The following NDUFA5 variants were observed in gnomAD, a reference collection of about 807,000 sequenced individuals.
NDUFA5 encodes the protein NADH:ubiquinone oxidoreductase subunit A5, also known as NADH dehydrogenase [ubiquinone] 1 alpha subcomplex subunit 5.
NDUFA5 carries 11 observed loss-of-function variants against 19.8 expected under a neutral mutation model. The observed-to-expected ratio is 0.56, with a 90% CI of 0.35 to 0.92. The LOEUF (loss-of-function observed/expected upper bound fraction) is 0.92, where lower values mean the gene tolerates loss of function less well. NDUFA5 is among the 40% of genes least tolerant of loss of function. The pLI, the probability that NDUFA5 is intolerant of heterozygous loss-of-function variation, is 0.01. For missense variants in NDUFA5, 109 were observed against 134.2 expected (o/e 0.81, Z 0.93); for synonymous variants, 47 against 46.8 (o/e 1.00, Z -0.01).
chr7:123,565,905 G>A, the NDUFA5 span, among the ~76,000 whole-genome samples: 3 of 152,146 alleles, frequency 2.0e-5, no homozygotes, highest in Admixed American at 6.5e-5. Flanking sequence ...TGTAGTCCCA[G>A]CTACTCAGGA....
intron 1 of NDUFA5, 131 bp from the exon 2 acceptor site, chr7:123,557,579 G>A (rs775302015): frequency 1.2e-6 from 2 of 1,612,388 alleles, no homozygotes; most frequent in Admixed American, 3.3e-5. Flanking sequence ...TCTCAGTCTC[G>A]CTTGTTTGGA....
chr7:123,563,373 A>G, the NDUFA5 span, among the ~76,000 whole-genome samples: 24 of 152,292 alleles, frequency 1.6e-4, no homozygotes, highest in African/African-American at 5.1e-4. Context: ...ATCTCAGGGA[A>G]TAGGAAGGCT....
intron 1 of NDUFA5, 110 bp from the exon 2 acceptor site, chr7:123,557,558 A>C: frequency 6.2e-7 from 1 of 1,611,878 alleles, no homozygotes; most frequent in East Asian, 2.2e-5. Flanking sequence ...GTCTAAAGCC[A>C]GCTACTGGTC....
At chr7:123,575,327 G>A in the NDUFA5 span, among the ~76,000 whole-genome samples, 47 of 151,742 alleles carry the variant, frequency 3.1e-4, no homozygotes, top group African/African-American at 1.0e-3. Context: ...GTAAAACACC[G>A]CCTTTCTTAG....
chr7:123,561,450 G>T (rs1798686618), upstream of NDUFA5, among the ~76,000 whole-genome samples: 1 of 152,142 alleles, frequency 6.6e-6, no homozygotes, highest in Non-Finnish European at 1.5e-5. Context: ...ACATCTTCAA[G>T]CTCTACTTCT....
At chr7:123,596,081 G>A in the NDUFA5 span, among the ~76,000 whole-genome samples, 2 of 151,958 alleles carry the variant, frequency 1.3e-5, no homozygotes, top group African/African-American at 4.8e-5. Context: ...TACTTATACT[G>A]TTCTACTAAA....
the NDUFA5 span, among the ~76,000 whole-genome samples, chr7:123,569,389 A>C: frequency 2.0e-5 from 3 of 152,228 alleles, no homozygotes; most frequent in South Asian, 6.2e-4. Flanking sequence ...GTGGTCCAGC[A>C]ATAGCTAGGG....
chr7:123,591,224 A>G, the NDUFA5 span, among the ~76,000 whole-genome samples: 3 of 152,220 alleles, frequency 2.0e-5, no homozygotes, highest in Non-Finnish European at 4.4e-5. Flanking sequence ...TTTTCTAAAT[A>G]TAAAATCATG....
the NDUFA5 span, among the ~76,000 whole-genome samples, chr7:123,579,550 C>T: frequency 6.6e-6 from 1 of 152,096 alleles, no homozygotes; most frequent in Middle Eastern, 3.4e-3. Context: ...TATTATCTGC[C>T]CCACTGTAGC....
chr7:123,590,784 TC>T, the NDUFA5 span, among the ~76,000 whole-genome samples: 2 of 152,172 alleles, frequency 1.3e-5, no homozygotes, highest in South Asian at 2.1e-4. Context: ...CTATGCGGGC[TC>T]CTTTTTGGTT....
the NDUFA5 span, among the ~76,000 whole-genome samples, chr7:123,585,993 G>T: frequency 6.6e-6 from 1 of 151,576 alleles, no homozygotes; most frequent in East Asian, 1.9e-4. Flanking sequence ...GGACACTTAG[G>T]TTAATTCCAC....
At chr7:123,565,717 C>T in the NDUFA5 span, among the ~76,000 whole-genome samples, 2 of 151,964 alleles carry the variant, frequency 1.3e-5, no homozygotes, top group South Asian at 2.1e-4. Context: ...CCCACCTCTA[C>T]TAAAAATACA....
chr7:123,546,706 T>C, intron 3 of NDUFA5: 1 of 1,288,522 alleles, frequency 7.8e-7, no homozygotes, highest in Non-Finnish European at 1.0e-6. Flanking sequence ...TCAGGGTATC[T>C]TGCTGGATGG....
chr7:123,552,146 C>A (rs1465472096), intron 2 of NDUFA5, among the ~76,000 whole-genome samples: 4 of 151,324 alleles, frequency 2.6e-5, no homozygotes, highest in African/African-American at 9.7e-5. Context: ...AGTATACAAA[C>A]CCTTCTCCTA....
the NDUFA5 span, among the ~76,000 whole-genome samples, chr7:123,588,119 T>C: frequency 3.3e-5 from 5 of 151,858 alleles, no homozygotes; most frequent in African/African-American, 1.2e-4. Flanking sequence ...GAATTAATGC[T>C]TTAAGTGTTT....
In NDUFA5 at chr7:123,536,997, T is replaced by C. The variant is rs1225926976; in HGVS notation, c.*5122A>G. 6.6e-6 allele frequency: 1 copy of C among 152,178 alleles called. No individual in the cohort carries two copies. Among genetic ancestry groups the C allele is most frequent in the Non-Finnish European group, 1.5e-5 (1 of 68,004 alleles). 9.4% of individuals were successfully genotyped at this position (152,178 alleles called of 1,614,324 possible). On this transcript the variant is annotated 3_prime_UTR_variant, in exon 5 of 5. Transcript: ENST00000355749. ...TACACGCACATACACACAAATGTAG[T>C]TTGGTTACATAATAAATTTATATTC...
the NDUFA5 span, among the ~76,000 whole-genome samples, chr7:123,565,529 A>C: frequency 6.6e-6 from 1 of 152,208 alleles, no homozygotes; most frequent in African/African-American, 2.4e-5. Flanking sequence ...GGGAACCATA[A>C]TACAAATTGT....
chr7:123,589,822 CG>C, the NDUFA5 span, among the ~76,000 whole-genome samples: 1 of 151,948 alleles, frequency 6.6e-6, no homozygotes, highest in Non-Finnish European at 1.5e-5. Context: ...TACAATCATT[CG>C]GGTATATACC....
upstream of NDUFA5, among the ~76,000 whole-genome samples, chr7:123,558,717 T>A (rs1798644220): frequency 6.6e-6 from 1 of 152,214 alleles, no homozygotes; most frequent in Admixed American, 6.5e-5. Context: ...TGGGTTTGAT[T>A]GTTAAGGTAA....
Sources: allele counts gnomAD v4.1 joint callset (sites outside exome capture counted in the v4.1 genomes callset), GRCh38; gene constraint gnomAD v4.1.1; transcripts MANE v1.5; gene names NCBI Gene and HGNC (gene_info 2026-07-23, HGNC 2026-07-21).